Variants in NCKAP1 observed in about 807,000 individuals in gnomAD.
NCKAP1 encodes nck-associated protein 1.
NCKAP1 carries 21 observed loss-of-function variants against 151.2 expected under a neutral mutation model. The ratio of observed to expected loss-of-function variants is 0.14; its 90% CI spans 0.10 to 0.20. NCKAP1 has a LOEUF of 0.20. Among genes scored for constraint, NCKAP1 ranks in the 10% least tolerant of loss-of-function variants. The pLI is 1.00. For missense variants in NCKAP1, 933 were observed against 1,352.1 expected, an observed-to-expected ratio of 0.69 and a Z score of 4.86; for synonymous variants, 484 against 451.8, an observed-to-expected ratio of 1.07 and a Z score of -0.90.
At chr2:183,005,056 A>G (rs1279928859) in intron 2 of NCKAP1, among the ~76,000 whole-genome samples, 1 of 152,104 alleles carries the variant, frequency 6.6e-6, no homozygotes, top group African/African-American at 2.4e-5. Flanking sequence ...CCATGTTTAT[A>G]TGCACATTTT....
chr2:182,956,449 T>C lies in NCKAP1; in HGVS notation c.2153+13A>G. 6.2e-7 allele frequency: 1 copy of C among 1,607,298 alleles called. No individual in the cohort carries two copies. Among genetic ancestry groups the C allele is most frequent in the Non-Finnish European group, 8.5e-7 (1 of 1,177,074 alleles). On this transcript the variant is annotated intron_variant, in intron 20 of 30. Coordinates refer to ENST00000361354, the MANE Select transcript of NCKAP1 (RefSeq NM_013436.5). ...TGAGTCAACAAACAAAAACAGTCAA[T>C]ATTCTTTCTTACTTGGTAAAGCGTA...
At chr2:182,928,330 AAGAG>A in intron 28 of NCKAP1, 104 bp from the exon 29 acceptor site, 1 of 753,936 alleles carries the variant, frequency 1.3e-6, no homozygotes, top group Admixed American at 2.9e-5. Flanking sequence ...GGGCATAATT[AAGAG>A]TAGAGTTGGG....
chr2:183,009,265 C>A (rs969484331), intron 2 of NCKAP1, among the ~76,000 whole-genome samples: 3 of 151,768 alleles, frequency 2.0e-5, no homozygotes, highest in Non-Finnish European at 2.9e-5. Context: ...GTCCCAGCTA[C>A]TCTGGAGGCT....
Position 182,915,995 on chromosome 2 carries a change from T to A in NCKAP1, c.*9707A>T, listed in dbSNP as rs1696460842. On this transcript the variant is annotated 3_prime_UTR_variant, in exon 31 of 31. Transcript: ENST00000361354. ...GATTCTGCATCTTCTCCCCCTGACA[T>A]CCCAGACAAGTGATTTGTCTCATTG... 1 of 151,970 alleles carries A rather than the reference T, an allele frequency of 6.6e-6. No individual in the cohort carries two copies. The highest frequency in any genetic ancestry group is 2.4e-5 in the African/African-American group (1 of 41,374). The allele number at this position is 151,970 out of a possible 1,614,324, so 9.4% of individuals were successfully genotyped here. A position where few individuals can be genotyped will look rare whatever the true frequency, so the allele number is the denominator to read the frequency against.
At chr2:182,986,601 CT>C (rs1275481877) in intron 9 of NCKAP1, among the ~76,000 whole-genome samples, 1 of 152,000 alleles carries the variant, frequency 6.6e-6, no homozygotes, top group Non-Finnish European at 1.5e-5. Flanking sequence ...TCATTTCTGA[CT>C]TTTTAATCAA....
intron 2 of NCKAP1, among the ~76,000 whole-genome samples, chr2:183,019,248 C>A (rs1698750553): frequency 6.6e-6 from 1 of 151,786 alleles, no homozygotes; most frequent in African/African-American, 2.4e-5. Flanking sequence ...TTAAAATGTG[C>A]AATAGGCTAA....
At chr2:182,989,298 G>T in intron 8 of NCKAP1, 112 bp from the exon 9 acceptor site, 1 of 732,730 alleles carries the variant, frequency 1.4e-6, no homozygotes, top group Non-Finnish European at 2.2e-6. Flanking sequence ...CTAAATTGAG[G>T]CTTCTGAGTG....
chr2:183,023,269 A>G (rs1698829675), intron 2 of NCKAP1, among the ~76,000 whole-genome samples: 1 of 152,124 alleles, frequency 6.6e-6, no homozygotes, highest in Non-Finnish European at 1.5e-5. Flanking sequence ...TCTTCAGTAT[A>G]CTAAGAAAAA....
chr2:182,974,081 A>C (rs1575040607), intron 15 of NCKAP1, among the ~76,000 whole-genome samples: 1 of 152,152 alleles, frequency 6.6e-6, no homozygotes. Flanking sequence ...CCTACAGTCT[A>C]ATCTGTAGGC....
At position 183,002,171 on chromosome 2, in the gene NCKAP1, G is replaced by A. The variant is rs150844521; in HGVS notation, c.468C>T (p.Ile156=). Residue 156 remains isoleucine (I), a synonymous_variant, in exon 5 of 31, where the codon ATC becomes ATT. Transcript: ENST00000361354. Reference sequence around the variant, plus strand: ...CATGGGCATAGTTGTATAATCCAATGATTGCCTTCCTTTCTTCAATTCGAG... The same window carrying A: ...CATGGGCATAGTTGTATAATCCAATAATTGCCTTCCTTTCTTCAATTCGAG... ...LLSRIEERKA[I]IGLYNYAHEM... 1 of 1,612,210 alleles carries A rather than the reference G, an allele frequency of 6.2e-7. No homozygotes were observed. Among genetic ancestry groups the A allele is most frequent in the Admixed American group, 1.7e-5 (1 of 59,986 alleles).
At chr2:182,942,228 G>T in intron 23 of NCKAP1, 65 bp from the exon 24 acceptor site, 1 of 1,239,012 alleles carries the variant, frequency 8.1e-7, no homozygotes, top group Non-Finnish European at 1.2e-6. Context: ...ATAAGAGCAT[G>T]CTTGGAAATT....
Position 183,003,295 on chromosome 2 carries a change from A to G in NCKAP1, c.250T>C (p.Ser84Pro). The change falls in exon 3 of 31, where the codon TCA becomes CCA. Residue 84 changes from serine to proline, a missense_variant. By Grantham distance (74) the Ser-to-Pro change is moderately conservative (BLOSUM62 -1). Around this residue, in one of 2 missense-constraint regions of NCKAP1, gnomAD observed 607 missense variants for 795.0 expected, o/e 0.76. Coordinates refer to ENST00000361354, the MANE Select transcript of NCKAP1 (RefSeq NM_013436.5). Reference protein sequence around the residue: ...QQLAQLQKEKSEILKNLALYY... With the variant: ...QQLAQLQKEKPEILKNLALYY... The stretch of plus-strand genomic sequence containing the variant: ...AATGCCAGATTTTTCAGAATCTCTG[A>G]TTTTTCTTTCTGTAGTTGTGCAAGC... 2.5e-6 allele frequency: 4 copies of G among 1,600,458 alleles called. No homozygotes were observed. Among genetic ancestry groups the G allele is most frequent in the Non-Finnish European group, 3.4e-6 (4 of 1,173,176 alleles).
chr2:182,998,982 C>T (rs74375064), intron 6 of NCKAP1, among the ~76,000 whole-genome samples: 3,197 of 151,932 alleles, frequency 0.021, 53 homozygotes, highest in Middle Eastern at 0.048. Context: ...AACTAGAAAA[C>T]GGTGCTGAAA....
chr2:182,982,946 G>A lies in NCKAP1; in HGVS notation c.1102-19C>T. 6.5e-7 allele frequency: 1 copy of A among 1,539,362 alleles called. No individual in the cohort carries two copies. Among genetic ancestry groups the A allele is most frequent in the Non-Finnish European group, 8.8e-7 (1 of 1,134,292 alleles). On this transcript the variant is annotated intron_variant, in intron 11 of 30. Transcript: ENST00000361354. ...AAAGTGCCTGTTTAAAAAAAAGTAA[G>A]TGTTTATTCTTATTCAAAGATTAAA... is the stretch of plus-strand genomic sequence containing the variant.
rs1005326451 is a variant in NCKAP1 at position 182,921,605 on chromosome 2, G to A, written c.*4097C>T. 2.0e-5 allele frequency: 3 copies of A among 152,210 alleles called. No individual in the cohort carries two copies. The highest frequency in any genetic ancestry group is 2.9e-5 in the Non-Finnish European group (2 of 68,034). 9.4% of individuals were successfully genotyped at this position (152,210 alleles called of 1,614,324 possible). A position where few individuals can be genotyped will look rare whatever the true frequency, so the allele number is the denominator to read the frequency against. ...AGAAGAAGGTAAGGGCTGGGGATGAGGGGTGCACTTAAACCAGAAATGAGA... is the reference window on the plus strand; with the variant it reads ...AGAAGAAGGTAAGGGCTGGGGATGAAGGGTGCACTTAAACCAGAAATGAGA... On this transcript the variant is annotated 3_prime_UTR_variant, in exon 31 of 31. Coordinates refer to ENST00000361354, the MANE Select transcript of NCKAP1 (RefSeq NM_013436.5).
At chr2:182,929,772 A>C (rs1254949850) in intron 27 of NCKAP1, among the ~76,000 whole-genome samples, 3 of 151,804 alleles carry the variant, frequency 2.0e-5, no homozygotes, top group African/African-American at 7.2e-5. Context: ...GAAAAAAAAA[A>C]AAAAACTGAT....
chr2:182,970,793 G>T (rs1697670951), intron 15 of NCKAP1, among the ~76,000 whole-genome samples: 1 of 152,036 alleles, frequency 6.6e-6, no homozygotes, highest in African/African-American at 2.4e-5. Flanking sequence ...ATAAATAAAA[G>T]GCATGCAAAC....
intron 2 of NCKAP1, among the ~76,000 whole-genome samples, chr2:183,008,525 T>C (rs1698525943): frequency 9.9e-6 from 1 of 101,060 alleles, no homozygotes; most frequent in Non-Finnish European, 2.5e-5. Context: ...TCAGTATAGT[T>C]ATCATATTGG....
At position 183,038,110 on chromosome 2, in the gene NCKAP1, G is replaced by C. The variant is rs749531068; in HGVS notation, c.-11C>G. The C allele has an allele frequency of 1.9e-6, 3 of 1,542,392 alleles. No individual in the cohort carries two copies. The African/African-American group carries it at 4.3e-5, about 22-fold the overall frequency. On this transcript the variant is annotated 5_prime_UTR_variant, in exon 1 of 31. Coordinates refer to ENST00000361354, the MANE Select transcript of NCKAP1 (RefSeq NM_013436.5). ...CACTGAGCGCGACATGGTGGTGCTGGTGCCGCCGCCGCCGCCGGCCGCCTC... is the reference window on the plus strand; with the variant it reads ...CACTGAGCGCGACATGGTGGTGCTGCTGCCGCCGCCGCCGCCGGCCGCCTC...
Sources: allele counts gnomAD v4.1 joint callset (sites outside exome capture counted in the v4.1 genomes callset), GRCh38; gene constraint gnomAD v4.1.1; regional missense constraint gnomAD v4.1.1; transcripts MANE v1.5; gene names NCBI Gene and HGNC (gene_info 2026-07-23, HGNC 2026-07-21).